ADK: variants seen among roughly 807,000 people sequenced by gnomAD.
ADK encodes N6,N6-dimethyladenosine kinase.
A neutral mutation model predicts 44.7 loss-of-function variants in ADK; 24 were observed. That is an observed-to-expected ratio of 0.54 (90% CI 0.39 to 0.76). The LOEUF (loss-of-function observed/expected upper bound fraction) is 0.76, where lower values mean the gene tolerates loss of function less well. Among genes scored for constraint, ADK ranks in the 30% least tolerant of loss-of-function variants. The probability of loss-of-function intolerance (pLI) is 0.00; values close to 1 mark genes in which losing one functional copy is unlikely to be tolerated. For missense variants in ADK, 321 were observed against 425.1 expected, an observed-to-expected ratio of 0.76 and a Z score of 2.15; for synonymous variants, 128 against 142.6, an observed-to-expected ratio of 0.90 and a Z score of 0.73.
intron 9 of ADK, among the ~76,000 whole-genome samples, chr10:74,638,684 T>C (rs1589322159): frequency 6.6e-6 from 1 of 152,330 alleles, no homozygotes; most frequent in East Asian, 1.9e-4. Context: ...TGAACCTTCG[T>C]ACATTTTTGC....
At chr10:74,371,991 C>T (rs1211741649) in intron 4 of ADK, 11 of 806,976 alleles carry the variant, frequency 1.4e-5, no homozygotes, top group Non-Finnish European at 2.0e-5. Flanking sequence ...CACAGATTCT[C>T]CTCTGCACTT....
chr10:74,521,169 T>C (rs1448876656), intron 6 of ADK, among the ~76,000 whole-genome samples: 1 of 152,144 alleles, frequency 6.6e-6, no homozygotes, highest in African/African-American at 2.4e-5. Context: ...TAACAGTCTT[T>C]GCGATCTAAC....
At chr10:74,326,481 C>A (rs1410273373) in intron 4 of ADK, among the ~76,000 whole-genome samples, 3 of 150,902 alleles carry the variant, frequency 2.0e-5, no homozygotes, top group Admixed American at 2.0e-4. Flanking sequence ...CACCTGTAGT[C>A]TGAGCTACTT....
At chr10:74,162,567 CAG>C (rs1408014015) in intron 1 of ADK, among the ~76,000 whole-genome samples, 3 of 136,566 alleles carry the variant, frequency 2.2e-5, no homozygotes, top group Admixed American at 1.4e-4. Context: ...GTGTGTGAGA[CAG>C]AGTCTCACTG....
At chr10:74,223,716 T>A (rs1004046172) in intron 2 of ADK, among the ~76,000 whole-genome samples, 2 of 152,148 alleles carry the variant, frequency 1.3e-5, no homozygotes, top group Middle Eastern at 3.2e-3. Context: ...ACCTGTATTT[T>A]ATGACCAGAG....
intron 6 of ADK, among the ~76,000 whole-genome samples, chr10:74,399,018 A>G (rs1211130447): frequency 6.6e-6 from 1 of 152,026 alleles, no homozygotes; most frequent in African/African-American, 2.4e-5. Context: ...AGTAATTACC[A>G]TGACACCTCT....
rs141616657 is a variant in ADK, at chr10:74,396,341, C to T, written c.446+2028C>T. On this transcript the variant is annotated intron_variant, in intron 5 of 10. Coordinates refer to ENST00000539909, the MANE Select transcript of ADK (RefSeq NM_006721.4). ...TCGAGCTCAGGAGTTTAAGGCCAGC[C>T]TGGCCAACATGGCGAAACTCCATCT... 2.4e-3 allele frequency among the ~76,000 whole-genome samples: 367 copies of T among 152,240 alleles called. 2 individuals carry two copies. Among genetic ancestry groups the T allele is most frequent in the African/African-American group, 8.4e-3 (349 of 41,560 alleles).
chr10:74,353,177 T>TA (rs973425593), intron 4 of ADK, among the ~76,000 whole-genome samples: 46 of 152,118 alleles, frequency 3.0e-4, no homozygotes, highest in African/African-American at 1.0e-3. Context: ...TGCCCGTCAA[T>TA]GATAGATAGA....
In ADK at chr10:74,235,579, C is replaced by T. The variant is rs758496107; in HGVS notation, c.194+10988C>T. ...TCAGCCTCCCAAAGTGTTAGGATTACGGGCGTGAGCCACTGCACCCTGCTC... is the reference window on the plus strand; with the variant it reads ...TCAGCCTCCCAAAGTGTTAGGATTATGGGCGTGAGCCACTGCACCCTGCTC... On this transcript the variant is annotated intron_variant, in intron 3 of 10. Coordinates refer to ENST00000539909, the MANE Select transcript of ADK (RefSeq NM_006721.4). Among the ~76,000 whole-genome samples, 6 of 152,126 alleles carry T rather than the reference C, an allele frequency of 3.9e-5. No individual in the cohort carries two copies. In the East Asian group the frequency reaches 5.8e-4, roughly 15 times the overall value.
intron 9 of ADK, among the ~76,000 whole-genome samples, chr10:74,607,670 C>G: frequency 6.6e-6 from 1 of 152,154 alleles, no homozygotes; most frequent in South Asian, 2.1e-4. Flanking sequence ...AATACTTTTT[C>G]CTTCATTTCA....
chr10:74,585,873 C>G (rs768847470), intron 7 of ADK, among the ~76,000 whole-genome samples: 8 of 152,208 alleles, frequency 5.3e-5, no homozygotes, highest in African/African-American at 1.9e-4. Context: ...CTCACTTTTA[C>G]TGCAAAGGCA....
At chr10:74,387,870 C>T (rs751040799) in intron 4 of ADK, among the ~76,000 whole-genome samples, 7 of 151,882 alleles carry the variant, frequency 4.6e-5, no homozygotes, top group Admixed American at 2.0e-4. Context: ...TACTAAACTG[C>T]GTAGGTTGTT....
chr10:74,666,553 G>A (rs532903957), intron 9 of ADK, among the ~76,000 whole-genome samples: 52 of 151,626 alleles, frequency 3.4e-4, no homozygotes, highest in Non-Finnish European at 6.6e-4. Context: ...TTAGGTAGAA[G>A]TACTTGATCA....
chr10:74,442,387 C>T (rs1407699993), intron 6 of ADK, among the ~76,000 whole-genome samples: 2 of 152,158 alleles, frequency 1.3e-5, no homozygotes, highest in South Asian at 2.1e-4. Flanking sequence ...GGCTCATGCC[C>T]GTAATCCCAG....
At chr10:74,362,931 G>A (rs1248391148) in intron 4 of ADK, among the ~76,000 whole-genome samples, 2 of 152,218 alleles carry the variant, frequency 1.3e-5, no homozygotes, top group South Asian at 2.1e-4. Context: ...CTCTCCTAGT[G>A]GTCCTGATAG....
At chr10:74,533,794 T>C (rs1206530319) in intron 7 of ADK, among the ~76,000 whole-genome samples, 2 of 151,960 alleles carry the variant, frequency 1.3e-5, no homozygotes, top group Admixed American at 6.5e-5. Flanking sequence ...CCAGGACAGA[T>C]GAAAGCATCT....
intron 3 of ADK, among the ~76,000 whole-genome samples, chr10:74,258,037 T>A (rs1451536344): frequency 6.6e-6 from 1 of 152,228 alleles, no homozygotes; most frequent in Non-Finnish European, 1.5e-5. Flanking sequence ...ATGTTCTTTT[T>A]CCTCACTTGC....
At chr10:74,286,788 C>A (rs565678176) in intron 3 of ADK, among the ~76,000 whole-genome samples, 53 of 152,154 alleles carry the variant, frequency 3.5e-4, no homozygotes, top group African/African-American at 1.3e-3. Context: ...GCAAATGATT[C>A]GCATGTATTA....
chr10:74,681,553 T>G (rs187255987), intron 10 of ADK, among the ~76,000 whole-genome samples: 2 of 152,254 alleles, frequency 1.3e-5, no homozygotes, highest in Admixed American at 1.3e-4. Context: ...CAAATGAAAG[T>G]TGTCAGTTAA....
Sources: gnomAD v4.1 joint callset for allele counts (sites outside exome capture counted in the v4.1 genomes callset) on GRCh38, gnomAD v4.1.1 for gene constraint, MANE v1.5 for transcripts, NCBI Gene and HGNC (gene_info 2026-07-23, HGNC 2026-07-21) for gene names.